The following MAGI2 variants were observed in gnomAD, a reference collection of about 807,000 sequenced individuals.
MAGI2 encodes membrane-associated guanylate kinase, WW and PDZ domain-containing protein 2.
Under a neutral mutation model 133.3 loss-of-function variants are expected in MAGI2, and 35 were observed. The ratio of observed to expected loss-of-function variants is 0.26; its 90% CI spans 0.20 to 0.35. The LOEUF (loss-of-function observed/expected upper bound fraction) is 0.35. MAGI2 is among the 10% of genes least tolerant of loss of function. The pLI is 1.00. For synonymous variants in MAGI2, 729 were observed against 710.6 expected, an observed-to-expected ratio of 1.03 and a Z score of -0.41; for missense variants, 1,636 against 1,863.4, an observed-to-expected ratio of 0.88 and a Z score of 2.25.
At chr7:78,744,070 TTTTC>T (rs1446986992) in intron 2 of MAGI2, among the ~76,000 whole-genome samples, 6 of 152,200 alleles carry the variant, frequency 3.9e-5, no homozygotes, top group Admixed American at 6.5e-5. Context: ...TAAAATTTAA[TTTTC>T]TTTTTGTCTT....
At chr7:79,247,931 G>A (rs556225964) in intron 1 of MAGI2, among the ~76,000 whole-genome samples, 1 of 151,846 alleles carries the variant, frequency 6.6e-6, no homozygotes, top group South Asian at 2.1e-4. Flanking sequence ...CCATTTAACG[G>A]AAGTCAGGAA....
intron 2 of MAGI2, chr7:79,000,182 T>C (rs1584629715): frequency 6.6e-6 from 1 of 152,306 alleles, no homozygotes; most frequent in Middle Eastern, 3.4e-3. Context: ...GCTATATTAC[T>C]TAAAGATACT....
At chr7:79,381,129 C>A (rs1227540806) in intron 1 of MAGI2, among the ~76,000 whole-genome samples, 1 of 123,228 alleles carries the variant, frequency 8.1e-6, no homozygotes, top group Non-Finnish European at 1.6e-5. Context: ...ATTACCATAT[C>A]GGTGCTGCTC....
intron 21 of MAGI2, among the ~76,000 whole-genome samples, chr7:78,032,173 T>G (rs1468600330): frequency 6.6e-6 from 1 of 152,106 alleles, no homozygotes; most frequent in Non-Finnish European, 1.5e-5. Context: ...TTCAAAACCC[T>G]TTCTTCTCAT....
At chr7:78,252,426 T>G (rs1179562927) in intron 10 of MAGI2, 2 of 151,452 alleles carry the variant, frequency 1.3e-5, no homozygotes, top group Non-Finnish European at 2.9e-5. Context: ...AAAATTAGCT[T>G]TTTCAACAAA....
At chr7:78,798,136 T>C (rs1197615056) in intron 2 of MAGI2, among the ~76,000 whole-genome samples, 1 of 152,198 alleles carries the variant, frequency 6.6e-6, no homozygotes, top group Admixed American at 6.5e-5. Flanking sequence ...TCTTTACCTT[T>C]GAGAATTGCT....
intron 1 of MAGI2, among the ~76,000 whole-genome samples, chr7:79,079,740 A>G (rs865804825): frequency 6.6e-6 from 1 of 152,130 alleles, no homozygotes; most frequent in Non-Finnish European, 1.5e-5. Flanking sequence ...CTCTAGTAAC[A>G]TAACTATAGA....
intron 1 of MAGI2, among the ~76,000 whole-genome samples, chr7:79,314,108 G>A (rs1838518111): frequency 6.6e-6 from 1 of 152,076 alleles, no homozygotes; most frequent in Non-Finnish European, 1.5e-5. Flanking sequence ...AGAGTAGTTG[G>A]GATTACAGGT....
intron 1 of MAGI2, among the ~76,000 whole-genome samples, chr7:79,160,724 T>C (rs1824267873): frequency 6.6e-6 from 1 of 151,982 alleles, no homozygotes; most frequent in South Asian, 2.1e-4. Context: ...TCTTCCCAAC[T>C]CTCCCTATAA....
At chr7:79,033,581 G>A (rs1810817670) in intron 1 of MAGI2, among the ~76,000 whole-genome samples, 1 of 152,124 alleles carries the variant, frequency 6.6e-6, no homozygotes, top group Non-Finnish European at 1.5e-5. Context: ...GACTTCAAAT[G>A]TTTGCATATC....
At chr7:79,247,979 G>A (rs921262854) in intron 1 of MAGI2, among the ~76,000 whole-genome samples, 1 of 151,808 alleles carries the variant, frequency 6.6e-6, no homozygotes, top group Admixed American at 6.6e-5. Context: ...AAAACAACCA[G>A]GACACAAATA....
At chr7:78,161,685 AAAG>A (rs1166331645) in intron 15 of MAGI2, among the ~76,000 whole-genome samples, 14 of 146,138 alleles carry the variant, frequency 9.6e-5, no homozygotes, top group East Asian at 4.4e-4. Context: ...AAAAAAAAAA[AAAG>A]AAAAAAAAAA....
intron 1 of MAGI2, among the ~76,000 whole-genome samples, chr7:79,434,583 A>G (rs1848014423): frequency 6.6e-6 from 1 of 152,214 alleles, no homozygotes; most frequent in Non-Finnish European, 1.5e-5. Context: ...ATTGTCAAAA[A>G]TCTACCACAG....
At chr7:78,231,076 T>C (rs1222330867) in intron 10 of MAGI2, among the ~76,000 whole-genome samples, 1 of 152,218 alleles carries the variant, frequency 6.6e-6, no homozygotes, top group African/African-American at 2.4e-5. Context: ...TTAATTGGAA[T>C]ATAAATCACT....
chr7:78,583,005 A>C (rs745787137), intron 3 of MAGI2, among the ~76,000 whole-genome samples: 3 of 152,190 alleles, frequency 2.0e-5, no homozygotes, highest in Non-Finnish European at 4.4e-5. Flanking sequence ...CAGATTTAAA[A>C]TTCTGTGATT....
chr7:78,485,230 G>T (rs539881729), intron 6 of MAGI2: 1 of 151,998 alleles, frequency 6.6e-6, no homozygotes, highest in East Asian at 1.9e-4. Flanking sequence ...TTTTAAAAAA[G>T]ACTATATTGG....
intron 1 of MAGI2, among the ~76,000 whole-genome samples, chr7:79,187,306 T>C (rs1585152723): frequency 1.3e-5 from 2 of 151,810 alleles, no homozygotes; most frequent in South Asian, 4.1e-4. Flanking sequence ...GAGCATTTTA[T>C]GTTTCTTCAA....
intron 2 of MAGI2, among the ~76,000 whole-genome samples, chr7:78,820,369 C>T (rs796601280): frequency 1.5e-4 from 23 of 151,638 alleles, no homozygotes; most frequent in African/African-American, 4.1e-4. Flanking sequence ...GGTTGAATCT[C>T]GGAACAACAG....
intron 1 of MAGI2, among the ~76,000 whole-genome samples, chr7:79,058,284 A>G (rs539377933): frequency 3.3e-5 from 5 of 152,308 alleles, no homozygotes; most frequent in Admixed American, 6.5e-5. Flanking sequence ...TGTTGCTCTC[A>G]GTAGAGTTAC....
Sources: allele counts gnomAD v4.1 joint callset (sites outside exome capture counted in the v4.1 genomes callset), GRCh38; gene constraint gnomAD v4.1.1; transcripts MANE v1.5; gene names NCBI Gene and HGNC (gene_info 2026-07-23, HGNC 2026-07-21).